Variants in GABRR3 observed in about 807,000 individuals in gnomAD.
The protein encoded by GABRR3 is gamma-aminobutyric acid type A receptor subunit rho3.
In GABRR3, 29 loss-of-function variants were observed where a neutral mutation model predicts 43.2. The ratio of observed to expected loss-of-function variants is 0.67; its 90% CI spans 0.50 to 0.92. The LOEUF (loss-of-function observed/expected upper bound fraction) is 0.92, where lower values mean the gene tolerates loss of function less well. GABRR3 is among the 40% of genes least tolerant of loss of function. The pLI is 0.00. For missense variants in GABRR3, 576 were observed against 572.3 expected (o/e 1.01, Z -0.07); for synonymous variants, 206 against 195.9 (o/e 1.05, Z -0.43).
At chr3:97,997,547 G>A (rs192431926) in intron 8 of GABRR3, 2 of 152,292 alleles carry the variant, frequency 1.3e-5, no homozygotes, top group East Asian at 3.9e-4. Context: ...ACATATTTCT[G>A]TAAGCATAAA....
intron 8 of GABRR3, among the ~76,000 whole-genome samples, chr3:97,995,960 C>T (rs923345719): frequency 6.6e-6 from 1 of 152,076 alleles, no homozygotes; most frequent in Non-Finnish European, 1.5e-5. Context: ...TTAGTCTGAC[C>T]CTTTGATTCA....
chr3:98,005,671 T>C (rs1489761253), intron 7 of GABRR3, among the ~76,000 whole-genome samples: 1 of 152,154 alleles, frequency 6.6e-6, no homozygotes, highest in Admixed American at 6.5e-5. Flanking sequence ...AATAAAATTA[T>C]GGTAGAGCAA....
chr3:97,992,961 A>C (rs1706489731), exon 9 of GABRR3: 1 of 1,613,716 alleles, frequency 6.2e-7, no homozygotes, highest in Non-Finnish European at 8.5e-7. Flanking sequence ...CCACAGGTAC[A>C]CATCCACAGC....
At chr3:98,001,865 G>C in intron 7 of GABRR3, 98 bp from the exon 8 acceptor site, 1 of 1,337,932 alleles carries the variant, frequency 7.5e-7, no homozygotes, top group Non-Finnish European at 1.0e-6. Context: ...AAGCTCTTGG[G>C]GACACGGAAT....
exon 1 of GABRR3, chr3:98,035,235 T>G (rs1707137178): frequency 2.1e-6 from 1 of 480,668 alleles, no homozygotes; most frequent in Middle Eastern, 5.7e-4. Flanking sequence ...TTTTTAAAAT[T>G]TTCAGTTTAC....
At chr3:97,992,821 A>T in intron 9 of GABRR3, 31 bp downstream of exon 9, 3 of 1,559,850 alleles carry the variant, frequency 1.9e-6, no homozygotes, top group Non-Finnish European at 2.6e-6. Flanking sequence ...CACATTCCCC[A>T]AGGGATCTGA....
intron 7 of GABRR3, among the ~76,000 whole-genome samples, chr3:98,005,673 G>C (rs1706715466): frequency 6.6e-6 from 1 of 152,250 alleles, no homozygotes; most frequent in Admixed American, 6.5e-5. Context: ...TAAAATTATG[G>C]TAGAGCAAAT....
exon 10 of GABRR3, chr3:97,986,801 C>T (rs781620783): frequency 6.2e-7 from 1 of 1,611,696 alleles, no homozygotes; most frequent in Admixed American, 1.7e-5. Flanking sequence ...AACATGTCCT[C>T]CTAGGGATTT....
intron 9 of GABRR3, among the ~76,000 whole-genome samples, chr3:97,987,632 C>T (rs1436141287): frequency 1.3e-5 from 2 of 152,070 alleles, no homozygotes; most frequent in African/African-American, 2.4e-5. Flanking sequence ...AACATGTCTT[C>T]GATTTATAGT....
chr3:98,009,413 T>C (rs1164910937), intron 5 of GABRR3, among the ~76,000 whole-genome samples: 1 of 152,216 alleles, frequency 6.6e-6, no homozygotes, highest in East Asian at 1.9e-4. Context: ...AAATAGTCTG[T>C]AGTAACAAAG....
In GABRR3 at chr3:98,007,796, G is replaced by T. The variant is rs748584014; in HGVS notation, c.722C>A (p.Ala241Glu). The T allele has an allele frequency of 1.5e-5, 24 of 1,613,338 alleles. No homozygotes were observed. The highest frequency in any genetic ancestry group is 1.9e-5 in the Non-Finnish European group (23 of 1,179,674). ...GCTATAGAAAGCTAATCCACTAGAT[G>T]CACTGAAGTCTTCAATGAAGAACTG... is the stretch of plus-strand genomic sequence containing the variant. Residue 241 changes from alanine (A) to glutamate (E), a missense_variant, in exon 7 of 10, where the codon GCA becomes GAA. Transcript: ENST00000621172.
At chr3:97,991,471 G>C (rs1442837561) in intron 9 of GABRR3, among the ~76,000 whole-genome samples, 1 of 152,194 alleles carries the variant, frequency 6.6e-6, no homozygotes, top group Non-Finnish European at 1.5e-5. Context: ...AGCACTCACT[G>C]TGGGCATGTA....
rs1467097276 is a variant in GABRR3, at chr3:98,017,897, A to C, written c.239-175T>G. 2.6e-5 allele frequency: 4 copies of C among 153,108 alleles called. No individual in the cohort carries two copies. In the East Asian group the frequency reaches 7.7e-4, roughly 29 times the overall value. The allele number at this position is 153,108 out of a possible 1,614,324, so 9.5% of individuals were successfully genotyped here. A position where few individuals can be genotyped will look rare whatever the true frequency, so the allele number is the denominator to read the frequency against. On this transcript the variant is annotated intron_variant, in intron 3 of 9. Transcript: ENST00000621172. ...AGTTATTATATACTCAATTATTATAATAAAGGCACATGTGTAAATAAATGG... is the reference window on the plus strand; with the variant it reads ...AGTTATTATATACTCAATTATTATACTAAAGGCACATGTGTAAATAAATGG...
chr3:98,023,268 TA>T (rs1193653820), intron 3 of GABRR3, among the ~76,000 whole-genome samples: 1 of 152,164 alleles, frequency 6.6e-6, no homozygotes, highest in Admixed American at 6.5e-5. Flanking sequence ...ATAATCTCCA[TA>T]AAAACCCTTT....
intron 6 of GABRR3, among the ~76,000 whole-genome samples, chr3:98,008,606 C>T (rs554134474): frequency 4.6e-5 from 7 of 152,200 alleles, no homozygotes; most frequent in South Asian, 2.1e-4. Context: ...CATCTGGGAA[C>T]GTGAATTCCA....
chr3:98,016,582 A>G lies in GABRR3; in HGVS notation c.306+1073T>C, dbSNP rs1252573605. On this transcript the variant is annotated intron_variant, in intron 4 of 9. Coordinates refer to ENST00000621172, the Ensembl canonical transcript of GABRR3. ...TACTGTAACACAAACAGACTAAGAC[A>G]ACAAGGAAACAGGTGCTGAAAATTT... Among the ~76,000 whole-genome samples, 3 of 152,186 alleles carry G rather than the reference A, an allele frequency of 2.0e-5. No homozygotes were observed. In the East Asian group the frequency reaches 5.8e-4, roughly 29 times the overall value.
At chr3:98,020,601 G>T (rs1706929877) in intron 3 of GABRR3, among the ~76,000 whole-genome samples, 1 of 151,912 alleles carries the variant, frequency 6.6e-6, no homozygotes, top group Admixed American at 6.6e-5. Context: ...CTACAAGCCT[G>T]GGGACAGTCT....
chr3:98,016,366 C>T (rs1452513507), intron 4 of GABRR3, among the ~76,000 whole-genome samples: 2 of 152,080 alleles, frequency 1.3e-5, no homozygotes, highest in Non-Finnish European at 2.9e-5. Flanking sequence ...AACCTAGTAC[C>T]TCCCCCACCC....
exon 5 of GABRR3, chr3:98,012,528 C>T (rs777321170): frequency 1.9e-6 from 3 of 1,613,800 alleles, no homozygotes; most frequent in Non-Finnish European, 1.7e-6. Context: ...AGCCTCTCGT[C>T]TTTCCAGTAA....
Sources: allele counts gnomAD v4.1 joint callset (sites outside exome capture counted in the v4.1 genomes callset), GRCh38; gene constraint gnomAD v4.1.1; transcripts MANE v1.5; gene names NCBI Gene and HGNC (gene_info 2026-07-23, HGNC 2026-07-21).